Variants in TGFBRAP1 observed in about 807,000 individuals in gnomAD.
TGFBRAP1 encodes transforming growth factor-beta receptor-associated protein 1.
A neutral mutation model predicts 83.2 loss-of-function variants in TGFBRAP1; 20 were observed. The observed-to-expected ratio is 0.24, with a 90% CI of 0.17 to 0.35. TGFBRAP1 has a LOEUF of 0.35. TGFBRAP1 is among the 10% of genes least tolerant of loss of function. The pLI is 1.00. For synonymous variants in TGFBRAP1, 415 were observed against 459.8 expected (o/e 0.90, Z 1.25); for missense variants, 950 against 1,099.4 (o/e 0.86, Z 1.92).
At chr2:105,267,959 A>G (rs1212423475) in intron 11 of TGFBRAP1, 2 of 870,946 alleles carry the variant, frequency 2.3e-6, no homozygotes, top group African/African-American at 3.6e-5. Flanking sequence ...AAGAAAAGTA[A>G]AGCACAAACA....
chr2:105,313,194 A>G (rs1198818868), intron 1 of TGFBRAP1, among the ~76,000 whole-genome samples: 1 of 152,150 alleles, frequency 6.6e-6, no homozygotes, highest in Non-Finnish European at 1.5e-5. Flanking sequence ...AAAAATGACA[A>G]TTCTGTTCTT....
chr2:105,252,921 T>A, the TGFBRAP1 span, among the ~76,000 whole-genome samples: 1,058 of 150,918 alleles, frequency 7.0e-3, 16 homozygotes, highest in African/African-American at 0.024. Flanking sequence ...CCCGGACAAT[T>A]TTTTTTGTAT....
intron 6 of TGFBRAP1, among the ~76,000 whole-genome samples, chr2:105,279,552 T>C (rs1677458520): frequency 6.6e-6 from 1 of 150,596 alleles, no homozygotes; most frequent in South Asian, 2.1e-4. Context: ...TGAACCCCCA[T>C]GTCCAGCCAA....
At chr2:105,301,841 C>T (rs956717240) in intron 2 of TGFBRAP1, among the ~76,000 whole-genome samples, 6 of 152,070 alleles carry the variant, frequency 3.9e-5, no homozygotes, top group East Asian at 3.8e-4. Context: ...TGGGCTCAAG[C>T]GGTCCTCCTG....
intron 1 of TGFBRAP1, among the ~76,000 whole-genome samples, chr2:105,325,714 C>T (rs1333645249): frequency 6.6e-6 from 1 of 152,148 alleles, no homozygotes; most frequent in Non-Finnish European, 1.5e-5. Flanking sequence ...CAGTTCTCTA[C>T]TAACATAGTA....
At chr2:105,259,007 T>A in the TGFBRAP1 span, among the ~76,000 whole-genome samples, 1 of 152,194 alleles carries the variant, frequency 6.6e-6, no homozygotes, top group Admixed American at 6.5e-5. Context: ...GTTTCCAATG[T>A]TGAGTTGCAT....
chr2:105,303,985 A>G (rs573988546), intron 2 of TGFBRAP1, among the ~76,000 whole-genome samples: 1 of 152,346 alleles, frequency 6.6e-6, no homozygotes, highest in African/African-American at 2.4e-5. Flanking sequence ...AGATCAATCA[A>G]TTGCAATGTA....
Position 105,308,127 on chromosome 2 carries a change from C to T in TGFBRAP1, c.175G>A (p.Gly59Arg). The change falls in exon 2 of 12, where the codon GGG becomes AGG. Residue 59 changes from glycine (G) to arginine (R), a missense_variant. Physicochemically the swap from Gly to Arg is moderately radical, Grantham distance 125. Coordinates refer to ENST00000393359, the MANE Select transcript of TGFBRAP1 (RefSeq NM_004257.6). The part of the protein sequence containing the change: ...FLLEERPVPA[G>R]PATFTATKQL... The stretch of plus-strand genomic sequence containing the variant: ...TTGGTGGCAGTGAACGTGGCTGGCC[C>T]AGCAGGCACTGGCCTCTCCTCCAAC... The T allele has an allele frequency of 1.2e-6, 2 of 1,614,170 alleles. No individual in the cohort carries two copies. Among genetic ancestry groups the T allele is most frequent in the South Asian group, 2.2e-5 (2 of 91,076 alleles).
intron 2 of TGFBRAP1, among the ~76,000 whole-genome samples, chr2:105,303,497 C>T (rs1473875069): frequency 2.6e-5 from 4 of 152,184 alleles, no homozygotes. Flanking sequence ...GAAAAAGGGA[C>T]TGACAAGTCC....
rs574830363 is a variant in TGFBRAP1 at position 105,292,663 on chromosome 2, G to GGA, written c.1038+3691_1038+3692dup. 4.1e-3 allele frequency among the ~76,000 whole-genome samples: 623 copies of GGA among 151,338 alleles called. 3 individuals carry two copies. Among genetic ancestry groups the GGA allele is most frequent in the Middle Eastern group, 0.014 (4 of 292 alleles). ...GTGGGAGGGGGAGAGGGAGAAGGAG[G>GGA]GAGAGAGAGAGAGAAAGAATATATG... On this transcript the variant is annotated intron_variant, in intron 4 of 11. Transcript: ENST00000393359.
chr2:105,263,404 G>A (rs547234003), downstream of TGFBRAP1, among the ~76,000 whole-genome samples: 2 of 152,198 alleles, frequency 1.3e-5, no homozygotes, highest in Non-Finnish European at 2.9e-5. Flanking sequence ...GCCCCAGGTG[G>A]GAGGACCTGC....
chr2:105,314,824 C>A (rs1678801868), intron 1 of TGFBRAP1, among the ~76,000 whole-genome samples: 1 of 151,592 alleles, frequency 6.6e-6, no homozygotes, highest in Admixed American at 6.6e-5. Flanking sequence ...GTGGCAGGCA[C>A]CTGTAATCCC....
At chr2:105,268,037 C>T (rs1286003176) in intron 11 of TGFBRAP1, among the ~76,000 whole-genome samples, 1 of 152,180 alleles carries the variant, frequency 6.6e-6, no homozygotes, top group Non-Finnish European at 1.5e-5. Context: ...TGGGAGACAC[C>T]CTTCCGTTTC....
At chr2:105,286,728 G>A (rs1677731528) in intron 4 of TGFBRAP1, among the ~76,000 whole-genome samples, 1 of 152,164 alleles carries the variant, frequency 6.6e-6, no homozygotes, top group Non-Finnish European at 1.5e-5. Flanking sequence ...GAGGCTGCAT[G>A]GATTCTGGAA....
chr2:105,288,988 C>T (rs1405066762), intron 4 of TGFBRAP1, among the ~76,000 whole-genome samples: 1 of 152,120 alleles, frequency 6.6e-6, no homozygotes, highest in Non-Finnish European at 1.5e-5. Context: ...CTTAGCCTTC[C>T]AAAATAGAAT....
At chr2:105,287,942 G>A (rs940873080) in intron 4 of TGFBRAP1, among the ~76,000 whole-genome samples, 1 of 152,054 alleles carries the variant, frequency 6.6e-6, no homozygotes, top group African/African-American at 2.4e-5. Context: ...ACACCTTCAC[G>A]TGACAAAAGC....
Position 105,298,714 on chromosome 2 carries a change from A to T in TGFBRAP1, c.689-9T>A. 1 of 1,560,918 alleles carries T rather than the reference A, an allele frequency of 6.4e-7. No individual in the cohort carries two copies. The highest frequency in any genetic ancestry group is 8.7e-7 in the Non-Finnish European group (1 of 1,147,370). On this transcript the variant is annotated splice_polypyrimidine_tract_variant and intron_variant, in intron 2 of 11. Transcript: ENST00000393359. Reference sequence around the variant, plus strand: ...GACTGTGGCAAACATGCCTAGAAGTAAGAAGAAAGAGTTAGGTAGGCTTCC... The same window carrying T: ...GACTGTGGCAAACATGCCTAGAAGTTAGAAGAAAGAGTTAGGTAGGCTTCC...
chr2:105,261,496 A>C (rs1260293031), downstream of TGFBRAP1, among the ~76,000 whole-genome samples: 1 of 152,212 alleles, frequency 6.6e-6, no homozygotes, highest in African/African-American at 2.4e-5. Context: ...TCAAGCCTGT[A>C]ATCTCAGCAC....
At chr2:105,306,061 G>GTTTTTTTTT (rs67017916) in intron 2 of TGFBRAP1, among the ~76,000 whole-genome samples, 5 of 74,890 alleles carry the variant, frequency 6.7e-5, no homozygotes, top group African/African-American at 2.3e-4. Flanking sequence ...TTTGTTTTTT[G>GTTTTTTTTT]TTTTTTGTTT....
Sources: allele counts gnomAD v4.1 joint callset (sites outside exome capture counted in the v4.1 genomes callset), GRCh38; gene constraint gnomAD v4.1.1; transcripts MANE v1.5; gene names NCBI Gene and HGNC (gene_info 2026-07-23, HGNC 2026-07-21).